The following DLG2 variants were observed in gnomAD, a reference collection of about 807,000 sequenced individuals.
DLG2 encodes the protein discs large MAGUK scaffold protein 2, also known as disks large homolog 2.
DLG2 carries 45 observed loss-of-function variants against 132.5 expected under a neutral mutation model. The ratio of observed to expected loss-of-function variants is 0.34; its 90% CI spans 0.27 to 0.44. The LOEUF (loss-of-function observed/expected upper bound fraction) is 0.44, where lower values mean the gene tolerates loss of function less well. Ranked by LOEUF, DLG2 falls within the 20% of genes least tolerant of loss-of-function variation. DLG2 has a pLI of 1.00. For synonymous variants in DLG2, 424 were observed against 419.6 expected (o/e 1.01, Z -0.13); for missense variants, 1,045 against 1,196.9 (o/e 0.87, Z 1.87).
At chr11:84,805,541 A>G (rs1404269984) in intron 6 of DLG2, among the ~76,000 whole-genome samples, 1 of 152,144 alleles carries the variant, frequency 6.6e-6, no homozygotes, top group Non-Finnish European at 1.5e-5. Flanking sequence ...ACTTAGCACC[A>G]TCTCTTTGGT....
intron 3 of DLG2, among the ~76,000 whole-genome samples, chr11:85,288,680 A>C (rs569266644): frequency 2.3e-4 from 35 of 152,224 alleles, no homozygotes; most frequent in African/African-American, 8.2e-4. Context: ...AACTAAAAAT[A>C]AAGGGAAAAG....
chr11:85,137,676 G>A (rs779721126), intron 5 of DLG2, among the ~76,000 whole-genome samples: 1 of 152,170 alleles, frequency 6.6e-6, no homozygotes, highest in Non-Finnish European at 1.5e-5. Context: ...ACCCCAGAAG[G>A]AATGGACTCC....
chr11:85,081,974 G>C (rs1235117305), intron 6 of DLG2, among the ~76,000 whole-genome samples: 6 of 152,122 alleles, frequency 3.9e-5, no homozygotes, highest in South Asian at 2.1e-4. Context: ...CCCCACACAG[G>C]CTACTGGCAA....
At chr11:85,456,667 T>G (rs1308635069) in intron 3 of DLG2, among the ~76,000 whole-genome samples, 2 of 152,212 alleles carry the variant, frequency 1.3e-5, no homozygotes, top group South Asian at 2.1e-4. Context: ...GTATGTTCTG[T>G]CTTTGTTTTC....
At chr11:85,137,940 A>T (rs1008265786) in intron 5 of DLG2, among the ~76,000 whole-genome samples, 1 of 152,200 alleles carries the variant, frequency 6.6e-6, no homozygotes, top group Admixed American at 6.6e-5. Context: ...AGTTTCTATC[A>T]TTAAAAAAAT....
intron 18 of DLG2, among the ~76,000 whole-genome samples, chr11:83,641,137 G>A (rs2066384844): frequency 6.6e-6 from 1 of 152,168 alleles, no homozygotes; most frequent in Non-Finnish European, 1.5e-5. Flanking sequence ...TTTTCTTGGA[G>A]AGGGTGGACA....
At chr11:84,250,801 G>A (rs975068933) in intron 8 of DLG2, among the ~76,000 whole-genome samples, 1 of 152,098 alleles carries the variant, frequency 6.6e-6, no homozygotes, top group African/African-American at 2.4e-5. Context: ...CTACCCTCAC[G>A]AAACTTTTGG....
At chr11:85,167,139 T>C (rs543801427) in intron 4 of DLG2, among the ~76,000 whole-genome samples, 6 of 152,152 alleles carry the variant, frequency 3.9e-5, no homozygotes, top group Non-Finnish European at 8.8e-5. Context: ...TCTAAAAATA[T>C]ATGTTAAAAA....
chr11:83,868,094 A>T (rs1336855042), intron 16 of DLG2, among the ~76,000 whole-genome samples: 1 of 152,090 alleles, frequency 6.6e-6, no homozygotes, highest in Non-Finnish European at 1.5e-5. Context: ...AACTGGGGGG[A>T]CAGCGATGGT....
intron 18 of DLG2, among the ~76,000 whole-genome samples, chr11:83,758,467 TA>T (rs1180127048): frequency 2.0e-5 from 3 of 152,192 alleles, no homozygotes; most frequent in Non-Finnish European, 4.4e-5. Context: ...TAGTCACATT[TA>T]TCGAAATCTA....
At chr11:84,203,916 CAT>C (rs1237539995) in intron 8 of DLG2, among the ~76,000 whole-genome samples, 1 of 152,126 alleles carries the variant, frequency 6.6e-6, no homozygotes, top group Non-Finnish European at 1.5e-5. Flanking sequence ...ACATCCTGCA[CAT>C]GTGTCCCTGA....
intron 11 of DLG2, among the ~76,000 whole-genome samples, chr11:84,023,568 C>G (rs1473805964): frequency 6.6e-6 from 1 of 152,046 alleles, no homozygotes; most frequent in Non-Finnish European, 1.5e-5. Flanking sequence ...GTTGGCCATT[C>G]AATAACATGG....
chr11:83,728,282 A>G (rs1354645129), intron 18 of DLG2, among the ~76,000 whole-genome samples: 2 of 152,194 alleles, frequency 1.3e-5, no homozygotes, highest in African/African-American at 4.8e-5. Flanking sequence ...CCATCAACTA[A>G]AGCGCAAAGC....
intron 6 of DLG2, among the ~76,000 whole-genome samples, chr11:84,985,126 T>C (rs1172556763): frequency 4.6e-5 from 7 of 152,126 alleles, no homozygotes; most frequent in African/African-American, 7.2e-5. Flanking sequence ...TGGAACAAAT[T>C]GACTTAACAT....
chr11:83,569,403 A>G (rs947789130), intron 19 of DLG2, among the ~76,000 whole-genome samples: 1 of 152,202 alleles, frequency 6.6e-6, no homozygotes, highest in Non-Finnish European at 1.5e-5. Flanking sequence ...AAAAATCTTA[A>G]TAATAGCAGC....
chr11:83,757,330 A>C (rs2093690282), intron 18 of DLG2, among the ~76,000 whole-genome samples: 1 of 152,222 alleles, frequency 6.6e-6, no homozygotes, highest in African/African-American at 2.4e-5. Flanking sequence ...TATTTCAAAC[A>C]ATTTAAATTG....
At position 84,227,155 on chromosome 11, in the gene DLG2, T is replaced by C. The variant is rs76584610; in HGVS notation, c.573+24083A>G. 1.0e-3 allele frequency among the ~76,000 whole-genome samples: 154 copies of C among 151,886 alleles called. No individual in the cohort carries two copies. In the East Asian group the frequency reaches 0.027, roughly 27 times the overall value. On this transcript the variant is annotated intron_variant, in intron 8 of 27. Coordinates refer to ENST00000376104, the MANE Select transcript of DLG2 (RefSeq NM_001142699.3). The stretch of plus-strand genomic sequence containing the variant: ...CTCAGAACAAGGAAGAGGGTGTACA[T>C]GGTAGGAGGAGGGGTGAGGCTTCAT...
intron 3 of DLG2, among the ~76,000 whole-genome samples, chr11:85,543,652 T>C (rs1257992517): frequency 6.6e-6 from 1 of 152,188 alleles, no homozygotes. Flanking sequence ...GCATCTATAG[T>C]TTCCTGACTT....
chr11:85,587,675 T>C (rs74736790), intron 3 of DLG2, among the ~76,000 whole-genome samples: 5,522 of 152,276 alleles, frequency 0.036, 154 homozygotes, highest in Admixed American at 0.053. Context: ...TAAGTGAGCA[T>C]TTAGGTCATT....
Sources: gnomAD v4.1 joint callset for allele counts (sites outside exome capture counted in the v4.1 genomes callset) on GRCh38, gnomAD v4.1.1 for gene constraint, MANE v1.5 for transcripts, NCBI Gene and HGNC (gene_info 2026-07-23, HGNC 2026-07-21) for gene names.